Variants in GLI3 observed in about 807,000 individuals in gnomAD.
GLI3 encodes the protein transcription activator GLI3.
A neutral mutation model predicts 100.8 loss-of-function variants in GLI3; 20 were observed. That is an observed-to-expected ratio of 0.20 (90% CI 0.14 to 0.29). GLI3 has a LOEUF of 0.29. GLI3 is among the 10% of genes least tolerant of loss of function. GLI3 has a pLI of 1.00. For missense variants in GLI3, 2,040 were observed against 2,128.5 expected, an observed-to-expected ratio of 0.96 and a Z score of 0.82; for synonymous variants, 938 against 860.5, an observed-to-expected ratio of 1.09 and a Z score of -1.58.
At chr7:42,169,088 T>C (rs533467725) in intron 2 of GLI3, among the ~76,000 whole-genome samples, 6 of 152,338 alleles carry the variant, frequency 3.9e-5, no homozygotes, top group African/African-American at 1.4e-4. Flanking sequence ...ATGTGTCCTT[T>C]TCTACATGCA....
chr7:42,252,815 G>C (rs1396357041), intron 1 of GLI3, among the ~76,000 whole-genome samples: 2 of 152,050 alleles, frequency 1.3e-5, no homozygotes, highest in Non-Finnish European at 2.9e-5. Flanking sequence ...TGGTTACAGG[G>C]AACTTCCAAT....
At chr7:42,034,598 A>C (rs145378290) in intron 7 of GLI3, among the ~76,000 whole-genome samples, 1 of 151,978 alleles carries the variant, frequency 6.6e-6, no homozygotes, top group Non-Finnish European at 1.5e-5. Flanking sequence ...AGTTCCCCCA[A>C]TGCCTTACTC....
chr7:42,203,363 T>A (rs1480142549), intron 2 of GLI3, among the ~76,000 whole-genome samples: 1 of 152,172 alleles, frequency 6.6e-6, no homozygotes, highest in Non-Finnish European at 1.5e-5. Context: ...TAATTTTGTA[T>A]CCTTTGACCA....
intron 10 of GLI3, among the ~76,000 whole-genome samples, chr7:41,999,761 A>G (rs559808691): frequency 3.5e-4 from 54 of 152,188 alleles, no homozygotes; most frequent in African/African-American, 1.2e-3. Context: ...TAAATCCCAC[A>G]CTTTTTGGCA....
chr7:42,226,466 C>T (rs1287110409), intron 1 of GLI3, among the ~76,000 whole-genome samples: 1 of 152,130 alleles, frequency 6.6e-6, no homozygotes, highest in Non-Finnish European at 1.5e-5. Context: ...GAGAGAGGCT[C>T]AAGTGAGAAG....
At chr7:42,048,732 A>C (rs762818025) in intron 4 of GLI3, 36 bp from the exon 5 acceptor site, 2 of 1,327,884 alleles carry the variant, frequency 1.5e-6, no homozygotes, top group Admixed American at 1.8e-5. Flanking sequence ...AGGGGTATGC[A>C]TGAGACAAAT....
Position 42,091,025 on chromosome 7 carries a change from C to A in GLI3, c.368-14168G>T. Among the ~76,000 whole-genome samples, 3 of 152,366 alleles carry A rather than the reference C, an allele frequency of 2.0e-5. No homozygotes were observed. In the South Asian group the frequency reaches 6.2e-4, roughly 32 times the overall value. On this transcript the variant is annotated intron_variant, in intron 3 of 14. Transcript: ENST00000395925. ...GTAAGCTACAGCAGGGCCAACTACC[C>A]AGGCATGGGGCCTGTGCAGCCCCTG...
chr7:42,120,387 G>T (rs1261061081), intron 3 of GLI3, among the ~76,000 whole-genome samples: 2 of 152,082 alleles, frequency 1.3e-5, no homozygotes, highest in African/African-American at 4.8e-5. Flanking sequence ...AGCTTGTGCC[G>T]AGGTTGAACA....
intron 3 of GLI3, among the ~76,000 whole-genome samples, chr7:42,138,020 A>T (rs1786471162): frequency 6.6e-6 from 1 of 152,156 alleles, no homozygotes; most frequent in African/African-American, 2.4e-5. Context: ...TCTTCTTGTT[A>T]AGGCTCTGCC....
intron 3 of GLI3, among the ~76,000 whole-genome samples, chr7:42,092,709 A>C (rs1341339396): frequency 6.6e-6 from 1 of 152,218 alleles, no homozygotes; most frequent in Non-Finnish European, 1.5e-5. Flanking sequence ...TCAGCTCTTC[A>C]GTTGACCAAC....
intron 2 of GLI3, among the ~76,000 whole-genome samples, chr7:42,163,709 C>A (rs1221530776): frequency 6.6e-6 from 1 of 152,136 alleles, no homozygotes; most frequent in Non-Finnish European, 1.5e-5. Context: ...GGATTACAGG[C>A]GTGAACTACC....
chr7:42,220,578 C>A (rs1334745245), intron 2 of GLI3, among the ~76,000 whole-genome samples: 2 of 152,146 alleles, frequency 1.3e-5, no homozygotes, highest in South Asian at 4.2e-4. Flanking sequence ...AGGGCCTCTG[C>A]GCTTCCAGCA....
At chr7:42,226,237 A>C (rs1313156656) in intron 1 of GLI3, among the ~76,000 whole-genome samples, 1 of 152,206 alleles carries the variant, frequency 6.6e-6, no homozygotes, top group Non-Finnish European at 1.5e-5. Context: ...TGCACACTGA[A>C]ACATGCAAAT....
At position 42,092,893 on chromosome 7, in the gene GLI3, A is replaced by T. The variant is rs546812711; in HGVS notation, c.368-16036T>A. On this transcript the variant is annotated intron_variant, in intron 3 of 14. Transcript: ENST00000395925. ...CAGTGGTGCGATCTCAGCTCACTGC[A>T]ACCTCCGTCTCTGGAGTTCAAGCAA... Among the ~76,000 whole-genome samples the T allele has an allele frequency of 6.6e-5, 10 of 151,838 alleles. No individual in the cohort carries two copies. In the East Asian group the frequency reaches 2.0e-3, roughly 30 times the overall value.
intron 6 of GLI3, among the ~76,000 whole-genome samples, chr7:42,041,385 T>C (rs1784133515): frequency 6.6e-6 from 1 of 152,184 alleles, no homozygotes; most frequent in Admixed American, 6.5e-5. Flanking sequence ...AGATGTGAGC[T>C]TCAAGACACA....
intron 2 of GLI3, among the ~76,000 whole-genome samples, chr7:42,186,594 T>A (rs960241986): frequency 2.6e-5 from 4 of 152,278 alleles, no homozygotes; most frequent in East Asian, 3.9e-4. Context: ...CCCCTGACCA[T>A]CAGTGCAACT....
At chr7:42,091,919 C>T (rs1785228792) in intron 3 of GLI3, among the ~76,000 whole-genome samples, 1 of 152,228 alleles carries the variant, frequency 6.6e-6, no homozygotes, top group African/African-American at 2.4e-5. Context: ...CAGAGTCAAA[C>T]AAACAGTTCA....
intron 4 of GLI3, among the ~76,000 whole-genome samples, chr7:42,053,512 C>T (rs1252616015): frequency 7.2e-5 from 11 of 152,208 alleles, no homozygotes; most frequent in Non-Finnish European, 1.3e-4. Flanking sequence ...TACAAACTAT[C>T]ATCAACTTGG....
At chr7:42,061,516 T>C (rs1784568626) in intron 4 of GLI3, among the ~76,000 whole-genome samples, 1 of 152,098 alleles carries the variant, frequency 6.6e-6, no homozygotes, top group Non-Finnish European at 1.5e-5. Flanking sequence ...ATTCAATAAC[T>C]CTCCTCCAGA....
Sources: gnomAD v4.1 joint callset for allele counts (sites outside exome capture counted in the v4.1 genomes callset) on GRCh38, gnomAD v4.1.1 for gene constraint, MANE v1.5 for transcripts, NCBI Gene and HGNC (gene_info 2026-07-23, HGNC 2026-07-21) for gene names.